The following ZFHX3 variants were observed in gnomAD, a reference collection of about 807,000 sequenced individuals.
ZFHX3 encodes zinc finger homeobox 3, also known as zinc finger homeobox protein 3.
ZFHX3 carries 42 observed loss-of-function variants against 279.1 expected under a neutral mutation model. The observed-to-expected ratio is 0.15, with a 90% CI of 0.12 to 0.19. The LOEUF (loss-of-function observed/expected upper bound fraction) is 0.19. Among genes scored for constraint, ZFHX3 ranks in the 10% least tolerant of loss-of-function variants. The pLI is 1.00. For missense variants in ZFHX3, 4,981 were observed against 4,754.0 expected, an observed-to-expected ratio of 1.05 and a Z score of -1.40; for synonymous variants, 2,293 against 1,957.8, an observed-to-expected ratio of 1.17 and a Z score of -4.52.
chr16:72,888,251 C>G (rs911285819), intron 4 of ZFHX3, among the ~76,000 whole-genome samples: 10 of 152,180 alleles, frequency 6.6e-5, no homozygotes, highest in African/African-American at 2.4e-4. Context: ...CTGCACACAT[C>G]CATGATGGCT....
chr16:72,816,954 T>C (rs1332942142), intron 5 of ZFHX3, among the ~76,000 whole-genome samples: 3 of 152,232 alleles, frequency 2.0e-5, no homozygotes, highest in Non-Finnish European at 2.9e-5. Flanking sequence ...CTTTAAAAGT[T>C]ACCCCTCTAC....
intron 4 of ZFHX3, among the ~76,000 whole-genome samples, chr16:73,313,933 C>T (rs919092576): frequency 1.3e-5 from 2 of 152,072 alleles, no homozygotes; most frequent in Non-Finnish European, 2.9e-5. Context: ...CGTGGGGAAA[C>T]CCCATTTCTA....
intron 2 of ZFHX3, among the ~76,000 whole-genome samples, chr16:73,662,454 GGATGTC>G: frequency 6.6e-6 from 1 of 150,570 alleles, no homozygotes; most frequent in Non-Finnish European, 1.5e-5. Flanking sequence ...CATACATATG[GGATGTC>G]AGAAAACACT....
chr16:73,375,968 T>G (rs2016716111), intron 3 of ZFHX3, among the ~76,000 whole-genome samples: 1 of 152,220 alleles, frequency 6.6e-6, no homozygotes, highest in Non-Finnish European at 1.5e-5. Flanking sequence ...GAAGGATAGC[T>G]TTCTAAATTT....
intron 3 of ZFHX3, among the ~76,000 whole-genome samples, chr16:73,453,322 T>C (rs1206948551): frequency 2.0e-5 from 3 of 152,184 alleles, no homozygotes; most frequent in Non-Finnish European, 4.4e-5. Flanking sequence ...TGTGACTGCT[T>C]TGTGTAATTG....
At chr16:73,191,139 C>A (rs2144888672) in intron 5 of ZFHX3, among the ~76,000 whole-genome samples, 1 of 152,174 alleles carries the variant, frequency 6.6e-6, no homozygotes, top group South Asian at 2.1e-4. Context: ...GCTGTTTCAT[C>A]AGGATTCTGT....
chr16:73,600,912 AG>A (rs1440709522), intron 2 of ZFHX3, among the ~76,000 whole-genome samples: 4 of 152,074 alleles, frequency 2.6e-5, no homozygotes, highest in African/African-American at 9.7e-5. Flanking sequence ...CAGATCCACA[AG>A]CTATTCTTTA....
chr16:73,143,434 C>T (rs1311794489), intron 6 of ZFHX3, among the ~76,000 whole-genome samples: 2 of 152,108 alleles, frequency 1.3e-5, no homozygotes, highest in African/African-American at 2.4e-5. Flanking sequence ...TTCCTTCACC[C>T]GGACAGCATA....
chr16:73,795,712 T>A (rs1028840562), intron 1 of ZFHX3, among the ~76,000 whole-genome samples: 1 of 152,206 alleles, frequency 6.6e-6, no homozygotes, highest in Non-Finnish European at 1.5e-5. Context: ...ACATTGATCA[T>A]CAATCCCTTA....
At chr16:73,695,003 C>A (rs775189456) in intron 1 of ZFHX3, among the ~76,000 whole-genome samples, 3 of 152,210 alleles carry the variant, frequency 2.0e-5, no homozygotes, top group Non-Finnish European at 2.9e-5. Context: ...TGGCTAACTC[C>A]AAGCCAGGCG....
intron 3 of ZFHX3, among the ~76,000 whole-genome samples, chr16:73,374,347 C>G (rs2016685075): frequency 6.6e-6 from 1 of 150,478 alleles, no homozygotes; most frequent in Admixed American, 6.6e-5. Context: ...CAAGGCCAGT[C>G]TTGTCATCGG....
At chr16:73,194,008 AG>A (rs1968094385) in intron 5 of ZFHX3, among the ~76,000 whole-genome samples, 1 of 152,166 alleles carries the variant, frequency 6.6e-6, no homozygotes, top group African/African-American at 2.4e-5. Flanking sequence ...CCTCTAGTCC[AG>A]TGGGTTCTTA....
chr16:73,528,770 A>G (rs1203340509), intron 2 of ZFHX3, among the ~76,000 whole-genome samples: 3 of 152,226 alleles, frequency 2.0e-5, no homozygotes, highest in East Asian at 1.9e-4. Flanking sequence ...GAAGCACAGT[A>G]TCAGGATGGA....
chr16:72,972,066 T>A (rs1962130736), intron 1 of ZFHX3, among the ~76,000 whole-genome samples: 1 of 151,934 alleles, frequency 6.6e-6, no homozygotes, highest in South Asian at 2.1e-4. Flanking sequence ...TAATTTTTTG[T>A]AGTTTTAGTA....
At chr16:73,399,567 G>A (rs901314703) in intron 3 of ZFHX3, among the ~76,000 whole-genome samples, 3 of 152,082 alleles carry the variant, frequency 2.0e-5, no homozygotes, top group Non-Finnish European at 4.4e-5. Flanking sequence ...GGTGCAAATG[G>A]GTTGATGAGT....
chr16:73,617,769 T>G (rs1056343976), intron 2 of ZFHX3, among the ~76,000 whole-genome samples: 2 of 152,130 alleles, frequency 1.3e-5, no homozygotes, highest in South Asian at 2.1e-4. Flanking sequence ...AATGTTAACT[T>G]GTTTTTTTTT....
chr16:73,497,441 A>C (rs959290835), intron 2 of ZFHX3, among the ~76,000 whole-genome samples: 3 of 152,164 alleles, frequency 2.0e-5, no homozygotes, highest in African/African-American at 7.2e-5. Flanking sequence ...GGATGAGGCA[A>C]GAGGACTGCT....
intron 1 of ZFHX3, among the ~76,000 whole-genome samples, chr16:73,046,350 C>G (rs922695005): frequency 1.3e-5 from 2 of 152,148 alleles, no homozygotes; most frequent in African/African-American, 2.4e-5. Flanking sequence ...GTTCTGATAA[C>G]AAGGAGCAGA....
intron 1 of ZFHX3, among the ~76,000 whole-genome samples, chr16:73,010,429 A>G (rs1963874369): frequency 6.6e-6 from 1 of 152,260 alleles, no homozygotes; most frequent in South Asian, 2.1e-4. Context: ...GTAAAAGTGC[A>G]AAGGGGAAAG....
Sources: allele counts gnomAD v4.1 joint callset (sites outside exome capture counted in the v4.1 genomes callset), GRCh38; gene constraint gnomAD v4.1.1; transcripts MANE v1.5; gene names NCBI Gene and HGNC (gene_info 2026-07-23, HGNC 2026-07-21).